LRMDA: variants seen among roughly 807,000 people sequenced by gnomAD.
LRMDA encodes the protein leucine rich melanocyte differentiation associated, also known as leucine-rich melanocyte differentiation-associated protein.
In LRMDA, 18 loss-of-function variants were observed where a neutral mutation model predicts 29.8. The ratio of observed to expected loss-of-function variants is 0.60; its 90% CI spans 0.42 to 0.90. The LOEUF (loss-of-function observed/expected upper bound fraction) is 0.90, where lower values mean the gene tolerates loss of function less well. Among genes scored for constraint, LRMDA ranks in the 40% least tolerant of loss-of-function variants. The pLI, the probability that LRMDA is intolerant of heterozygous loss-of-function variation, is 0.00. For synonymous variants in LRMDA, 125 were observed against 109.4 expected (o/e 1.14, Z -0.89); for missense variants, 273 against 273.9 (o/e 1.00, Z 0.02).
At chr10:75,617,021 T>C (rs1339776236) in intron 2 of LRMDA, among the ~76,000 whole-genome samples, 1 of 152,142 alleles carries the variant, frequency 6.6e-6, no homozygotes, top group African/African-American at 2.4e-5. Flanking sequence ...TTGGCCTCAG[T>C]GCTTGGGAAC....
At chr10:76,415,347 C>T (rs914537983) in intron 6 of LRMDA, among the ~76,000 whole-genome samples, 1 of 152,094 alleles carries the variant, frequency 6.6e-6, no homozygotes, top group Non-Finnish European at 1.5e-5. Flanking sequence ...AGCTTTAGTT[C>T]CATTTGGGGA....
At chr10:75,677,517 A>G (rs918784949) in intron 2 of LRMDA, among the ~76,000 whole-genome samples, 3 of 152,120 alleles carry the variant, frequency 2.0e-5, no homozygotes, top group Non-Finnish European at 4.4e-5. Flanking sequence ...AATGCATACT[A>G]CCCTTTGCAT....
intron 2 of LRMDA, among the ~76,000 whole-genome samples, chr10:76,015,183 T>A (rs984538604): frequency 1.3e-5 from 2 of 152,200 alleles, no homozygotes; most frequent in African/African-American, 4.8e-5. Flanking sequence ...TTGCTAAGTA[T>A]CAAATTGCCC....
In LRMDA at chr10:75,589,992, A is replaced by C. The variant is rs1056728700; in HGVS notation, c.131+151498A>C. 2.0e-5 allele frequency among the ~76,000 whole-genome samples: 3 copies of C among 149,978 alleles called. No individual in the cohort carries two copies. The Admixed American group carries it at 2.0e-4, about 10-fold the overall frequency. ...TGCTTTATTTTCTGATTTGTCATGCAAAAATTTTGCTTTATCTGAAGATGA... is the reference window on the plus strand; with the variant it reads ...TGCTTTATTTTCTGATTTGTCATGCCAAAATTTTGCTTTATCTGAAGATGA... On this transcript the variant is annotated intron_variant, in intron 2 of 6. Transcript: ENST00000611255.
chr10:75,916,296 G>A (rs1043331778), intron 2 of LRMDA, among the ~76,000 whole-genome samples: 1 of 152,098 alleles, frequency 6.6e-6, no homozygotes, highest in East Asian at 1.9e-4. Flanking sequence ...GCTAAGCAGT[G>A]GGTGCAGGCA....
At chr10:75,979,762 C>T (rs1251779766) in intron 2 of LRMDA, among the ~76,000 whole-genome samples, 1 of 152,090 alleles carries the variant, frequency 6.6e-6, no homozygotes, top group Non-Finnish European at 1.5e-5. Context: ...CCAGCTAGTC[C>T]ATATGTGCCA....
At chr10:76,238,839 G>A (rs907918560) in intron 5 of LRMDA, among the ~76,000 whole-genome samples, 9 of 151,790 alleles carry the variant, frequency 5.9e-5, no homozygotes, top group Non-Finnish European at 1.3e-4. Flanking sequence ...AAAGAAGAGT[G>A]TGTGATGGCG....
chr10:75,578,226 A>AAAAAAAAAAAAAAG, intron 2 of LRMDA, among the ~76,000 whole-genome samples: 1 of 144,100 alleles, frequency 6.9e-6, no homozygotes. Context: ...AAAAAAAAAA[A>AAAAAAAAAAAAAAG]AAAAAAAAAA....
chr10:76,443,181 T>A (rs1842321240), intron 6 of LRMDA, among the ~76,000 whole-genome samples: 1 of 152,130 alleles, frequency 6.6e-6, no homozygotes, highest in South Asian at 2.1e-4. Flanking sequence ...TCAAACAGCT[T>A]TAAGACAAAC....
intron 6 of LRMDA, among the ~76,000 whole-genome samples, chr10:76,545,936 A>G (rs1207856832): frequency 6.6e-6 from 1 of 152,126 alleles, no homozygotes; most frequent in East Asian, 1.9e-4. Flanking sequence ...GGAACTTGCA[A>G]AAATGCATAC....
intron 5 of LRMDA, among the ~76,000 whole-genome samples, chr10:76,113,689 G>C (rs1472644879): frequency 6.6e-6 from 1 of 152,188 alleles, no homozygotes; most frequent in African/African-American, 2.4e-5. Flanking sequence ...GCAGTGGGAA[G>C]GGATGTGGCT....
At chr10:76,507,155 A>C (rs896235064) in intron 6 of LRMDA, among the ~76,000 whole-genome samples, 1 of 151,722 alleles carries the variant, frequency 6.6e-6, no homozygotes, top group African/African-American at 2.4e-5. Context: ...TGAGTTAATA[A>C]TTCATTGTAG....
chr10:75,643,127 T>A (rs944461821), intron 2 of LRMDA: 1 of 152,196 alleles, frequency 6.6e-6, no homozygotes, highest in African/African-American at 2.4e-5. Flanking sequence ...ACAATTTCTC[T>A]TAACACTTTT....
intron 2 of LRMDA, among the ~76,000 whole-genome samples, chr10:75,735,937 A>G (rs138444837): frequency 9.5e-4 from 144 of 152,132 alleles, no homozygotes; most frequent in African/African-American, 3.3e-3. Flanking sequence ...CCTACACTTT[A>G]ATTATGAACT....
At chr10:76,426,010 AT>A (rs1842121889) in intron 6 of LRMDA, among the ~76,000 whole-genome samples, 1 of 152,166 alleles carries the variant, frequency 6.6e-6, no homozygotes, top group South Asian at 2.1e-4. Flanking sequence ...ATTGTTGGAC[AT>A]TTGGGTTGGT....
intron 2 of LRMDA, among the ~76,000 whole-genome samples, chr10:75,881,903 CT>C (rs1564595637): frequency 1.3e-5 from 2 of 152,218 alleles, no homozygotes; most frequent in Admixed American, 1.3e-4. Flanking sequence ...AGTCAAGACC[CT>C]CTCCTGGTAA....
intron 5 of LRMDA, among the ~76,000 whole-genome samples, chr10:76,093,159 T>A (rs1038610986): frequency 7.2e-5 from 11 of 152,060 alleles, no homozygotes; most frequent in African/African-American, 2.7e-4. Context: ...TGCCTCAGCC[T>A]CCCGAGTAGC....
At chr10:75,650,275 C>T (rs1275273626) in intron 2 of LRMDA, among the ~76,000 whole-genome samples, 2 of 152,080 alleles carry the variant, frequency 1.3e-5, no homozygotes, top group African/African-American at 4.8e-5. Context: ...GTTATTTGAT[C>T]CATTTTGAGC....
intron 5 of LRMDA, among the ~76,000 whole-genome samples, chr10:76,092,547 C>T (rs754360322): frequency 5.3e-5 from 8 of 152,162 alleles, no homozygotes; most frequent in East Asian, 3.8e-4. Flanking sequence ...AGGGATGATA[C>T]GGGATATTTT....
Sources: allele counts gnomAD v4.1 joint callset (sites outside exome capture counted in the v4.1 genomes callset), GRCh38; gene constraint gnomAD v4.1.1; transcripts MANE v1.5; gene names NCBI Gene and HGNC (gene_info 2026-07-23, HGNC 2026-07-21).